MINPP1: variants seen among roughly 807,000 people sequenced by gnomAD.
MINPP1 encodes the protein multiple inositol polyphosphate phosphatase 1.
A neutral mutation model predicts 46.1 loss-of-function variants in MINPP1; 28 were observed. The ratio of observed to expected loss-of-function variants is 0.61; its 90% confidence interval spans 0.45 to 0.83. MINPP1 has a LOEUF of 0.83. MINPP1 is among the 40% of genes least tolerant of loss of function. The pLI is 0.00. For missense variants in MINPP1, 603 were observed against 610.0 expected (o/e 0.99, Z 0.12); for synonymous variants, 268 against 249.1 (o/e 1.08, Z -0.72).
At chr10:87,507,657 C>A (rs999866741) in intron 1 of MINPP1, among the ~76,000 whole-genome samples, 2 of 152,026 alleles carry the variant, frequency 1.3e-5, no homozygotes, top group African/African-American at 4.8e-5. Context: ...ACGTAAAGGG[C>A]ACACCAGTAG....
chr10:87,509,500 A>G (rs1851304186), intron 2 of MINPP1, among the ~76,000 whole-genome samples: 1 of 152,238 alleles, frequency 6.6e-6, no homozygotes, highest in South Asian at 2.1e-4. Context: ...ATAACAAAAA[A>G]GGCTAATGTG....
chr10:87,522,098 A>G (rs1007492835), intron 4 of MINPP1, among the ~76,000 whole-genome samples: 3 of 152,216 alleles, frequency 2.0e-5, no homozygotes, highest in Admixed American at 2.0e-4. Flanking sequence ...AAACTGATGA[A>G]TTTCATGGTA....
At position 87,552,576 on chromosome 10, in the gene MINPP1, T is replaced by C; in HGVS notation, c.*98T>C. On this transcript the variant is annotated 3_prime_UTR_variant, in exon 5 of 5. Transcript: ENST00000371996. Reference sequence around the variant, plus strand: ...TCCTTGATTACAGGAAGCTTTTATATTACTTGAGTATTTCTGTCTTTTCAC... The same window carrying C: ...TCCTTGATTACAGGAAGCTTTTATACTACTTGAGTATTTCTGTCTTTTCAC... 8.4e-7 allele frequency: 1 copy of C among 1,194,352 alleles called. No individual in the cohort carries two copies. Among genetic ancestry groups the C allele is most frequent in the Non-Finnish European group, 1.2e-6 (1 of 822,762 alleles). 74.0% of individuals were successfully genotyped at this position (1,194,352 alleles called of 1,614,324 possible). A position where few individuals can be genotyped will look rare whatever the true frequency, so the allele number is the denominator to read the frequency against.
At chr10:87,546,246 T>G (rs1564683521) in intron 4 of MINPP1, among the ~76,000 whole-genome samples, 1 of 152,148 alleles carries the variant, frequency 6.6e-6, no homozygotes, top group Non-Finnish European at 1.5e-5. Flanking sequence ...GTTCCTTCCC[T>G]TTTTAGACCT....
At chr10:87,531,317 C>A (rs760270694) in intron 4 of MINPP1, among the ~76,000 whole-genome samples, 8 of 152,198 alleles carry the variant, frequency 5.3e-5, no homozygotes, top group Non-Finnish European at 1.0e-4. Flanking sequence ...GTTCTTGGAA[C>A]CTCCTCCTCA....
At chr10:87,513,891 C>T (rs7916780) in intron 3 of MINPP1, among the ~76,000 whole-genome samples, 1 of 151,944 alleles carries the variant, frequency 6.6e-6, no homozygotes, top group African/African-American at 2.4e-5. Flanking sequence ...ACAATAGAGC[C>T]GTATTCTTTC....
chr10:87,516,395 G>T lies in MINPP1; in HGVS notation c.933+3174G>T, dbSNP rs889901427. 3.8e-5 allele frequency among the ~76,000 whole-genome samples: 4 copies of T among 104,786 alleles called. 1 individual carries two copies. Among genetic ancestry groups the T allele is most frequent in the Non-Finnish European group, 7.5e-5 (3 of 39,954 alleles). The allele number at this position is 104,786 out of a possible 152,430, so 68.7% of individuals were successfully genotyped here. Reference sequence around the variant, plus strand: ...ATACTCAGATGCTCCTTAAGTTATGGTGGGGTTGCATCCAGATAAACCCAT... The same window carrying T: ...ATACTCAGATGCTCCTTAAGTTATGTTGGGGTTGCATCCAGATAAACCCAT... On this transcript the variant is annotated intron_variant, in intron 3 of 4. Coordinates refer to ENST00000371996, the MANE Select transcript of MINPP1 (RefSeq NM_004897.5).
Position 87,508,432 on chromosome 10 carries a change from C to G in MINPP1, c.734C>G (p.Ala245Gly). The change falls in exon 2 of 5, where the codon GCT becomes GGT. Residue 245 changes from alanine (A) to glycine (G), a missense_variant. By Grantham distance (60) the Ala-to-Gly change is moderately conservative. Around this residue, in one of 3 missense-constraint regions of MINPP1, gnomAD observed 344 missense variants for 381.1 expected, o/e 0.90. Coordinates refer to ENST00000371996, the MANE Select transcript of MINPP1 (RefSeq NM_004897.5). The part of the protein sequence containing the change: ...FLTEVEKNAT[A>G]LYHVEAFKTG... ...ACTGAAGTAGAAAAAAATGCTACAG[C>G]TCTTTATCACGTGGAAGCCTTCAAA... 6.2e-7 allele frequency: 1 copy of G among 1,613,714 alleles called. No homozygotes were observed. The highest frequency in any genetic ancestry group is 8.5e-7 in the Non-Finnish European group (1 of 1,179,798).
Position 87,521,026 on chromosome 10 carries a change from A to AT in MINPP1, c.934-3dup, listed in dbSNP as rs748141306. On this transcript the variant is annotated splice_polypyrimidine_tract_variant and intron_variant, in intron 3 of 4. Transcript: ENST00000371996. ...AAAATATATTAGAAATTATTTTTGA[A>AT]TTTTTTTAGGTATTAGAATATTTAA... The AT allele has an allele frequency of 7.5e-6, 7 of 934,796 alleles. No individual in the cohort carries two copies. Among genetic ancestry groups the AT allele is most frequent in the South Asian group, 4.6e-5 (3 of 65,912 alleles). 57.9% of individuals were successfully genotyped at this position (934,796 alleles called of 1,614,324 possible). A position where few individuals can be genotyped will look rare whatever the true frequency, so the allele number is the denominator to read the frequency against.
chr10:87,515,406 G>T (rs1851399346), intron 3 of MINPP1, among the ~76,000 whole-genome samples: 1 of 150,986 alleles, frequency 6.6e-6, no homozygotes, highest in East Asian at 1.9e-4. Context: ...AGGAAAAAAG[G>T]AAAAAAAAGA....
At chr10:87,545,430 G>C (rs1426768405) in intron 4 of MINPP1, among the ~76,000 whole-genome samples, 4 of 151,314 alleles carry the variant, frequency 2.6e-5, no homozygotes, top group African/African-American at 9.7e-5. Flanking sequence ...TGTTTTAGGT[G>C]ATTATATGTT....
intron 3 of MINPP1, among the ~76,000 whole-genome samples, chr10:87,515,786 T>C (rs1288346768): frequency 6.6e-6 from 1 of 152,040 alleles, no homozygotes; most frequent in Non-Finnish European, 1.5e-5. Flanking sequence ...TACTACTGTT[T>C]TATATTTTTT....
intron 2 of MINPP1, among the ~76,000 whole-genome samples, chr10:87,511,210 C>T (rs573867719): frequency 1.1e-4 from 17 of 152,202 alleles, no homozygotes; most frequent in South Asian, 8.3e-4. Context: ...ACAAAGGATT[C>T]GCCCTTTGCT....
At chr10:87,537,126 G>A (rs763893691) in intron 4 of MINPP1, among the ~76,000 whole-genome samples, 15 of 152,082 alleles carry the variant, frequency 9.9e-5, no homozygotes, top group Middle Eastern at 3.4e-3. Flanking sequence ...TAGTAGAGAT[G>A]GGGTTTCATC....
chr10:87,515,632 T>C (rs1851402178), intron 3 of MINPP1, among the ~76,000 whole-genome samples: 1 of 152,166 alleles, frequency 6.6e-6, no homozygotes, highest in Non-Finnish European at 1.5e-5. Context: ...TAGGTTTATA[T>C]GCTGAAGTAT....
Position 87,521,186 on chromosome 10 carries a change from A to G in MINPP1, c.1067+17A>G. On this transcript the variant is annotated intron_variant, in intron 4 of 4. Coordinates refer to ENST00000371996, the MANE Select transcript of MINPP1 (RefSeq NM_004897.5). Reference sequence around the variant, plus strand: ...GAAACAAAGGTAAGAACTTTCTAAAAAATGTGAAGTACATTTTGAGTTACT... The same window carrying G: ...GAAACAAAGGTAAGAACTTTCTAAAGAATGTGAAGTACATTTTGAGTTACT... 1 of 1,604,952 alleles carries G rather than the reference A, an allele frequency of 6.2e-7. No individual in the cohort carries two copies. Among genetic ancestry groups the G allele is most frequent in the Middle Eastern group, 1.7e-4 (1 of 5,950 alleles).
At chr10:87,519,617 C>G (rs1406192710) in intron 3 of MINPP1, among the ~76,000 whole-genome samples, 1 of 152,176 alleles carries the variant, frequency 6.6e-6, no homozygotes, top group East Asian at 1.9e-4. Context: ...GGCAGCAATG[C>G]TAGTGTAGCA....
At chr10:87,537,770 G>A (rs947262629) in intron 4 of MINPP1, among the ~76,000 whole-genome samples, 2 of 151,584 alleles carry the variant, frequency 1.3e-5, no homozygotes, top group African/African-American at 4.8e-5. Context: ...TTAGCTTTGG[G>A]AATTTTTTTT....
Position 87,523,419 on chromosome 10 carries a change from C to T in MINPP1, c.1067+2250C>T, listed in dbSNP as rs556888355. ...AGGCTGGAGTGCAGTGGCGTGATCT[C>T]GGCTCATTGCAAGCTCCGCCTCCTG... On this transcript the variant is annotated intron_variant, in intron 4 of 4. Transcript: ENST00000371996. Among the ~76,000 whole-genome samples the T allele has an allele frequency of 1.7e-3, 260 of 151,130 alleles. 1 individual carries two copies. The highest frequency in any genetic ancestry group is 5.2e-3 in the African/African-American group (214 of 41,172).
Sources: gnomAD v4.1 joint callset for allele counts (sites outside exome capture counted in the v4.1 genomes callset) on GRCh38, gnomAD v4.1.1 for gene constraint, gnomAD v4.1.1 regional missense constraint, MANE v1.5 for transcripts, NCBI Gene and HGNC (gene_info 2026-07-23, HGNC 2026-07-21) for gene names.